Variants in CSMD1 observed in about 807,000 individuals in gnomAD.
CSMD1 encodes the protein CUB and Sushi multiple domains 1.
CSMD1 carries 213 observed loss-of-function variants against 417.5 expected under a neutral mutation model. The ratio of observed to expected loss-of-function variants is 0.51; its 90% CI spans 0.46 to 0.57. The LOEUF (loss-of-function observed/expected upper bound fraction) is 0.57. Among genes scored for constraint, CSMD1 ranks in the 20% least tolerant of loss-of-function variants. CSMD1 has a pLI of 0.00. For synonymous variants in CSMD1, 2,862 were observed against 1,736.8 expected, an observed-to-expected ratio of 1.65 and a Z score of -16.11; for missense variants, 6,923 against 4,529.7, an observed-to-expected ratio of 1.53 and a Z score of -15.17.
intron 3 of CSMD1, among the ~76,000 whole-genome samples, chr8:4,358,375 A>G (rs1801554434): frequency 6.6e-6 from 1 of 152,180 alleles, no homozygotes; most frequent in Non-Finnish European, 1.5e-5. Context: ...TTAATGGTTG[A>G]AAAGAAAAAG....
intron 1 of CSMD1, among the ~76,000 whole-genome samples, chr8:4,704,185 T>C (rs1006260116): frequency 2.0e-5 from 3 of 152,224 alleles, no homozygotes; most frequent in Non-Finnish European, 2.9e-5. Flanking sequence ...AACACGTAAG[T>C]CAAATTTAAT....
At chr8:3,526,068 A>C (rs1797741425) in intron 10 of CSMD1, among the ~76,000 whole-genome samples, 1 of 152,210 alleles carries the variant, frequency 6.6e-6, no homozygotes, top group South Asian at 2.1e-4. Context: ...TGTAGCTTCA[A>C]AGAACCATCA....
At chr8:3,150,871 T>C (rs1203913060) in intron 40 of CSMD1, among the ~76,000 whole-genome samples, 2 of 152,198 alleles carry the variant, frequency 1.3e-5, no homozygotes, top group Non-Finnish European at 2.9e-5. Flanking sequence ...ATTTATGAAT[T>C]ATTTAAGGTG....
chr8:3,179,129 T>G (rs1026388825), intron 37 of CSMD1, among the ~76,000 whole-genome samples: 1 of 151,162 alleles, frequency 6.6e-6, no homozygotes, highest in Non-Finnish European at 1.5e-5. Context: ...GTATTTTTAG[T>G]AGATACGGGG....
At chr8:3,750,617 C>T (rs892545473) in intron 6 of CSMD1, among the ~76,000 whole-genome samples, 8 of 152,106 alleles carry the variant, frequency 5.3e-5, no homozygotes, top group Middle Eastern at 3.4e-3. Context: ...TTTTTAATCT[C>T]GGTATAGACA....
chr8:3,266,392 G>C (rs1420874238), intron 26 of CSMD1, among the ~76,000 whole-genome samples: 2 of 151,430 alleles, frequency 1.3e-5, no homozygotes, highest in Non-Finnish European at 2.9e-5. Flanking sequence ...GATCACCTGA[G>C]ACTAGGAGAT....
chr8:4,127,318 T>G (rs997683610), intron 3 of CSMD1, among the ~76,000 whole-genome samples: 2 of 151,890 alleles, frequency 1.3e-5, no homozygotes, highest in African/African-American at 4.8e-5. Flanking sequence ...ATTCTAGACT[T>G]CTTTCTTTCT....
At chr8:3,323,647 A>G (rs2117492341) in intron 23 of CSMD1, among the ~76,000 whole-genome samples, 1 of 152,370 alleles carries the variant, frequency 6.6e-6, no homozygotes, top group Admixed American at 6.5e-5. Flanking sequence ...TTGTGTTTAC[A>G]GAAGAAACAC....
At chr8:4,963,646 T>C (rs1270926712) in intron 1 of CSMD1, among the ~76,000 whole-genome samples, 1 of 152,244 alleles carries the variant, frequency 6.6e-6, no homozygotes, top group Non-Finnish European at 1.5e-5. Flanking sequence ...TGGAAGATAA[T>C]ACGTGTAGTA....
At chr8:4,026,215 A>G (rs1340462621) in intron 4 of CSMD1, among the ~76,000 whole-genome samples, 3 of 152,204 alleles carry the variant, frequency 2.0e-5, no homozygotes, top group Non-Finnish European at 2.9e-5. Context: ...ATCCAAATCC[A>G]TGAGAAACTG....
At chr8:4,355,582 G>T (rs991661766) in intron 3 of CSMD1, among the ~76,000 whole-genome samples, 1 of 152,136 alleles carries the variant, frequency 6.6e-6, no homozygotes, top group African/African-American at 2.4e-5. Flanking sequence ...ACTTGGTGAG[G>T]GACCAGAGTG....
intron 3 of CSMD1, among the ~76,000 whole-genome samples, chr8:4,339,050 C>T (rs753681979): frequency 6.6e-6 from 1 of 152,044 alleles, no homozygotes; most frequent in African/African-American, 2.4e-5. Flanking sequence ...CTCAAATCTA[C>T]CGGGAACTAT....
chr8:4,206,328 A>C (rs931805538), intron 3 of CSMD1, among the ~76,000 whole-genome samples: 1 of 152,026 alleles, frequency 6.6e-6, no homozygotes, highest in African/African-American at 2.4e-5. Context: ...ATATCTCCTG[A>C]TGCTATCCCT....
chr8:4,130,389 A>G (rs1480436554), intron 3 of CSMD1, among the ~76,000 whole-genome samples: 1 of 152,088 alleles, frequency 6.6e-6, no homozygotes, highest in Non-Finnish European at 1.5e-5. Context: ...TGTAAAATAT[A>G]CTTTTGATCA....
chr8:3,506,145 A>AAGAGCCAGGGAGGC (rs1563103374), intron 10 of CSMD1, among the ~76,000 whole-genome samples: 1 of 152,106 alleles, frequency 6.6e-6, no homozygotes, highest in Non-Finnish European at 1.5e-5. Flanking sequence ...CCAGCAGAGG[A>AAGAGCCAGGGAGGC]AGTGCCAGGG....
intron 5 of CSMD1, among the ~76,000 whole-genome samples, chr8:3,960,466 T>C (rs1200164843): frequency 6.6e-6 from 1 of 152,190 alleles, no homozygotes; most frequent in Non-Finnish European, 1.5e-5. Context: ...CAGGGGCGAA[T>C]ATTATTTATG....
chr8:4,083,628 G>A (rs1055979524), intron 3 of CSMD1, among the ~76,000 whole-genome samples: 1 of 152,110 alleles, frequency 6.6e-6, no homozygotes, highest in Non-Finnish European at 1.5e-5. Context: ...TGGGAAAACT[G>A]GCTAGCCATA....
chr8:4,769,637 G>T lies in CSMD1; in HGVS notation c.86-132079C>A, dbSNP rs142189984. On this transcript the variant is annotated intron_variant, in intron 1 of 69. Coordinates refer to ENST00000635120, the MANE Select transcript of CSMD1 (RefSeq NM_033225.6). ...ATAATTTCTGATCTAAATTTCATCT[G>T]TTGAAAAAGAAACGGGAGGCTTGGA... Among the ~76,000 whole-genome samples the T allele has an allele frequency of 3.4e-3, 519 of 152,220 alleles. 3 individuals carry two copies. The highest frequency in any genetic ancestry group is 0.012 in the African/African-American group (504 of 41,526).
intron 8 of CSMD1, among the ~76,000 whole-genome samples, chr8:3,614,249 A>T (rs1388699451): frequency 6.6e-6 from 1 of 152,178 alleles, no homozygotes; most frequent in African/African-American, 2.4e-5. Context: ...GGAAAGTGAC[A>T]GATTGAAATT....
Sources: allele counts gnomAD v4.1 joint callset (sites outside exome capture counted in the v4.1 genomes callset), GRCh38; gene constraint gnomAD v4.1.1; transcripts MANE v1.5; gene names NCBI Gene and HGNC (gene_info 2026-07-23, HGNC 2026-07-21).